DMD: variants seen among roughly 807,000 people sequenced by gnomAD.
The protein encoded by DMD is dystrophin.
In DMD, 63 loss-of-function variants were observed where a neutral mutation model predicts 330.1. The ratio of observed to expected loss-of-function variants is 0.19; its 90% CI spans 0.16 to 0.24. The LOEUF (loss-of-function observed/expected upper bound fraction) is 0.24. DMD is among the 10% of genes least tolerant of loss of function. DMD has a pLI of 1.00. For synonymous variants in DMD, 1,223 were observed against 959.8 expected, an observed-to-expected ratio of 1.27 and a Z score of -5.07; for missense variants, 3,344 against 2,684.1, an observed-to-expected ratio of 1.25 and a Z score of -5.43.
chrX:32,960,916 TAA>T (rs59425093), intron 2 of DMD, among the ~76,000 whole-genome samples: 15,088 of 68,441 alleles, frequency 0.22, 1,553 homozygotes, highest in African/African-American at 0.37. Context: ...GCACCATTTG[TAA>T]AAAAAAAAAA....
chrX:31,491,067 C>T (rs746603938), intron 57 of DMD, among the ~76,000 whole-genome samples: 3 of 112,109 alleles, frequency 2.7e-5, no homozygotes, highest in Non-Finnish European at 5.6e-5. Flanking sequence ...CAGAAAATCT[C>T]GGGAAGCTTT....
intron 9 of DMD, among the ~76,000 whole-genome samples, chrX:32,688,546 G>A (rs956898655): frequency 1.8e-5 from 2 of 111,908 alleles, no homozygotes; most frequent in Admixed American, 9.5e-5. Flanking sequence ...GAAGGTGAAT[G>A]GAGTCTTTCC....
chrX:32,569,808 G>A (rs975631414), intron 15 of DMD, among the ~76,000 whole-genome samples: 20 of 110,536 alleles, frequency 1.8e-4, no homozygotes, highest in African/African-American at 6.6e-4. Flanking sequence ...TGCTTCCCCA[G>A]AGCTGTCCTT....
chrX:32,727,023 A>G (rs758809184), intron 7 of DMD, among the ~76,000 whole-genome samples: 1 of 110,949 alleles, frequency 9.0e-6, no homozygotes, highest in Admixed American at 9.7e-5. Context: ...AAAGGCAGTC[A>G]TGGTTCCTCT....
intron 49 of DMD, among the ~76,000 whole-genome samples, chrX:31,820,581 G>A (rs1050117691): frequency 2.7e-5 from 3 of 112,119 alleles, no homozygotes; most frequent in Non-Finnish European, 5.6e-5. Context: ...TGGAAATGAT[G>A]TCAGTAGACA....
chrX:32,325,501 T>A (rs2097646541), intron 41 of DMD, among the ~76,000 whole-genome samples: 1 of 111,851 alleles, frequency 8.9e-6, no homozygotes, highest in East Asian at 2.8e-4. Context: ...CATGTACTAC[T>A]AATTGGCTCC....
rs1446727005 is a variant in DMD, at chrX:32,650,353, T to C, written c.961-5201A>G. Among the ~76,000 whole-genome samples, 5 of 112,194 alleles carry C rather than the reference T, an allele frequency of 4.5e-5. No homozygotes were observed. The Admixed American group carries it at 4.7e-4, about 11-fold the overall frequency. On this transcript the variant is annotated intron_variant, in intron 9 of 78. Coordinates refer to ENST00000357033, the MANE Select transcript of DMD (RefSeq NM_004006.3). ...TTTTATCATTCTCAGTTCATTTAAA[T>C]GTATCATACTTCTTTTTCATGGAGT...
At chrX:33,120,496 G>A (rs951001285) in intron 1 of DMD, among the ~76,000 whole-genome samples, 3 of 111,113 alleles carry the variant, frequency 2.7e-5, no homozygotes, top group Non-Finnish European at 5.7e-5. Flanking sequence ...CATGGAACTC[G>A]GGTGGGGAAA....
chrX:31,882,697 C>A (rs1221261883), intron 47 of DMD, among the ~76,000 whole-genome samples: 2 of 111,776 alleles, frequency 1.8e-5, no homozygotes, highest in East Asian at 5.6e-4. Flanking sequence ...TTTTAATGGG[C>A]AAAAGATTTG....
intron 4 of DMD, among the ~76,000 whole-genome samples, chrX:32,839,205 A>ATGTTTCCTTT (rs1295281672): frequency 9.1e-6 from 1 of 109,784 alleles, no homozygotes; most frequent in Non-Finnish European, 1.9e-5. Flanking sequence ...CTTTATCTCT[A>ATGTTTCCTTT]AACTCACTCT....
At chrX:32,981,437 T>G (rs1057348240) in intron 2 of DMD, among the ~76,000 whole-genome samples, 13 of 111,652 alleles carry the variant, frequency 1.2e-4, no homozygotes, top group Admixed American at 1.2e-3. Flanking sequence ...TATTAACTAG[T>G]ATGTTTATTT....
At chrX:31,520,540 G>A (rs914658174) in intron 55 of DMD, among the ~76,000 whole-genome samples, 4 of 111,360 alleles carry the variant, frequency 3.6e-5, no homozygotes, top group Non-Finnish European at 5.7e-5. Flanking sequence ...AGTGTGAAAC[G>A]AACTAATATA....
In DMD at chrX:33,049,873, T is replaced by C. The variant is rs971573893; in HGVS notation, c.32-29673A>G. Among the ~76,000 whole-genome samples the C allele has an allele frequency of 3.6e-5, 4 of 112,028 alleles. No individual in the cohort carries two copies. In the East Asian group the frequency reaches 8.4e-4, roughly 23 times the overall value. ...TTCTCATTTTTTCTTTAACCAAATA[T>C]GTAAATTCAATATAATTGACTTAGT... On this transcript the variant is annotated intron_variant, in intron 1 of 78. Coordinates refer to ENST00000357033, the MANE Select transcript of DMD (RefSeq NM_004006.3).
intron 7 of DMD, among the ~76,000 whole-genome samples, chrX:32,735,599 A>G (rs1465143517): frequency 9.0e-6 from 1 of 111,143 alleles, no homozygotes; most frequent in Non-Finnish European, 1.9e-5. Flanking sequence ...CAGAGCCCTC[A>G]GAAATAACGC....
rs149432720 is a variant in DMD at position 32,475,859 on chromosome X, T to C, written c.2804-3550A>G. ...TTGACTTCCTCTTTACCGATTTGGATGCCCTTTATTTCTTTCTCTTGTCTG... is the reference window on the plus strand; with the variant it reads ...TTGACTTCCTCTTTACCGATTTGGACGCCCTTTATTTCTTTCTCTTGTCTG... On this transcript the variant is annotated intron_variant, in intron 21 of 78. Transcript: ENST00000357033. Among the ~76,000 whole-genome samples the C allele has an allele frequency of 4.5e-3, 504 of 111,093 alleles. 1 individual carries two copies. Among genetic ancestry groups the C allele is most frequent in the African/African-American group, 0.015 (462 of 30,640 alleles).
chrX:31,221,867 C>G (rs1167118834), intron 64 of DMD, among the ~76,000 whole-genome samples: 1 of 110,333 alleles, frequency 9.1e-6, no homozygotes, highest in African/African-American at 3.3e-5. Flanking sequence ...ACCAGCCTGA[C>G]CAACATGGTG....
chrX:32,330,392 T>A (rs1446330366), intron 41 of DMD, among the ~76,000 whole-genome samples: 1 of 111,908 alleles, frequency 8.9e-6, no homozygotes, highest in Non-Finnish European at 1.9e-5. Context: ...ATATGTTCCA[T>A]ACAATGAGAG....
intron 1 of DMD, among the ~76,000 whole-genome samples, chrX:33,336,644 C>T (rs916780210): frequency 8.9e-6 from 1 of 111,738 alleles, no homozygotes; most frequent in Non-Finnish European, 1.9e-5. Context: ...GGAAAACTCA[C>T]ATAGATTTAT....
At chrX:31,178,832 G>C (rs746814010) in intron 69 of DMD, 27 bp from the exon 70 acceptor site, 30 of 1,204,261 alleles carry the variant, frequency 2.5e-5, no homozygotes, top group Non-Finnish European at 3.4e-5. Context: ...GGTGAGATCA[G>C]ATTTAGGACA....
Sources: allele counts gnomAD v4.1 joint callset (sites outside exome capture counted in the v4.1 genomes callset), GRCh38; gene constraint gnomAD v4.1.1; transcripts MANE v1.5; gene names NCBI Gene and HGNC (gene_info 2026-07-23, HGNC 2026-07-21).